EIF2AK3: variants seen among roughly 807,000 people sequenced by gnomAD.
EIF2AK3 encodes the protein eukaryotic translation initiation factor 2 alpha kinase 3, also known as eukaryotic translation initiation factor 2-alpha kinase 3.
A neutral mutation model predicts 113.5 loss-of-function variants in EIF2AK3; 50 were observed. The observed-to-expected ratio is 0.44, with a 90% CI of 0.35 to 0.56. The LOEUF is 0.56. Among genes scored for constraint, EIF2AK3 ranks in the 20% least tolerant of loss-of-function variants. The probability of loss-of-function intolerance (pLI) is 0.00; values close to 1 mark genes in which losing one functional copy is unlikely to be tolerated. For missense variants in EIF2AK3, 1,185 were observed against 1,378.0 expected (o/e 0.86, Z 2.22); for synonymous variants, 448 against 495.4 (o/e 0.90, Z 1.27).
intron 16 of EIF2AK3, among the ~76,000 whole-genome samples, chr2:88,558,441 C>A (rs893068319): frequency 6.6e-6 from 1 of 152,170 alleles, no homozygotes; most frequent in Non-Finnish European, 1.5e-5. Context: ...TTGAACGTAA[C>A]ATGTACTCTT....
intron 5 of EIF2AK3, 29 bp from the exon 6 acceptor site, chr2:88,590,634 A>G (rs1674863213): frequency 6.2e-7 from 1 of 1,609,284 alleles, no homozygotes; most frequent in Non-Finnish European, 8.5e-7. Flanking sequence ...AAGGTCTTAA[A>G]TAATTCAAGC....
chr2:88,620,582 TC>T (rs1222882413), intron 1 of EIF2AK3, among the ~76,000 whole-genome samples: 1 of 152,256 alleles, frequency 6.6e-6, no homozygotes, highest in East Asian at 1.9e-4. Flanking sequence ...GTCTCATGGA[TC>T]CCCATTTTTA....
chr2:88,598,459 G>A (rs568463784), intron 2 of EIF2AK3, among the ~76,000 whole-genome samples: 9 of 152,152 alleles, frequency 5.9e-5, no homozygotes, highest in African/African-American at 2.2e-4. Context: ...GATGCCCTGA[G>A]AGAGACTGCA....
intron 14 of EIF2AK3, among the ~76,000 whole-genome samples, chr2:88,565,726 T>C (rs1674098774): frequency 6.6e-6 from 1 of 152,200 alleles, no homozygotes; most frequent in Admixed American, 6.5e-5. Flanking sequence ...TCATTTGAAG[T>C]CCCACTACTC....
intron 2 of EIF2AK3, among the ~76,000 whole-genome samples, chr2:88,603,075 T>C (rs545995108): frequency 2.6e-5 from 4 of 152,322 alleles, no homozygotes; most frequent in South Asian, 4.1e-4. Flanking sequence ...CTAGTTGTTT[T>C]GCAAACCAAG....
At position 88,557,062 on chromosome 2, in the gene EIF2AK3, C is replaced by T. The variant is rs1037760017; in HGVS notation, c.*674G>A. 4 of 152,466 alleles carry T rather than the reference C, an allele frequency of 2.6e-5. No individual in the cohort carries two copies. The highest frequency in any genetic ancestry group is 1.3e-4 in the Admixed American group (2 of 15,268). The allele number at this position is 152,466 out of a possible 1,614,324, so 9.4% of individuals were successfully genotyped here. A position where few individuals can be genotyped will look rare whatever the true frequency, so the allele number is the denominator to read the frequency against. On this transcript the variant is annotated 3_prime_UTR_variant, in exon 17 of 17. Coordinates refer to ENST00000303236, the MANE Select transcript of EIF2AK3 (RefSeq NM_004836.7). The stretch of plus-strand genomic sequence containing the variant: ...TCCATTTCTTACTACGGCTTTTTTC[C>T]TCCCAAAACTAGACCTTTCAACCAA...
chr2:88,627,023 C>T lies in EIF2AK3; in HGVS notation c.252G>A (p.Glu84=), dbSNP rs761485223. Reference sequence around the variant, plus strand: ...CTGGTTCCGGACCCCGAGGCTCCTGCTCTCCCGCGGCTGCCGGCAGCGCCT... The same window carrying T: ...CTGGTTCCGGACCCCGAGGCTCCTGTTCTCCCGCGGCTGCCGGCAGCGCCT... The part of the protein sequence containing the change: ...DAEALPAAAG[E]QEPRGPEPDD... Residue 84 remains glutamate (E), a synonymous_variant, in exon 1 of 17, where the codon GAG becomes GAA. Transcript: ENST00000303236. 6 of 1,605,438 alleles carry T rather than the reference C, an allele frequency of 3.7e-6. No individual in the cohort carries two copies. The African/African-American group carries it at 8.0e-5, about 22-fold the overall frequency.
At chr2:88,559,836 A>G (rs917587947) in intron 15 of EIF2AK3, among the ~76,000 whole-genome samples, 5 of 152,008 alleles carry the variant, frequency 3.3e-5, no homozygotes, top group African/African-American at 1.2e-4. Context: ...AAAATACCAC[A>G]CTTTGTTTTT....
At position 88,576,529 on chromosome 2, in the gene EIF2AK3, G is replaced by C. The variant is rs1674462121; in HGVS notation, c.2036+25C>G. On this transcript the variant is annotated intron_variant, in intron 12 of 16. Coordinates refer to ENST00000303236, the MANE Select transcript of EIF2AK3 (RefSeq NM_004836.7). ...TCACACAAGCAAAAAACTAGCTTAA[G>C]TGTATGTGTAACAAAGTTAGTTACC... The C allele has an allele frequency of 3.7e-6, 6 of 1,613,446 alleles. No homozygotes were observed. The South Asian group carries it at 5.5e-5, about 15-fold the overall frequency.
At chr2:88,586,673 C>T (rs1411414215) in intron 8 of EIF2AK3, among the ~76,000 whole-genome samples, 13 of 149,434 alleles carry the variant, frequency 8.7e-5, no homozygotes, top group African/African-American at 3.0e-4. Flanking sequence ...CTCACTGCAA[C>T]CTCTGTCTCC....
In EIF2AK3 at chr2:88,588,833, T is replaced by G. The variant is rs1674806444; in HGVS notation, c.1234A>C (p.Lys412Gln). The change falls in exon 7 of 17, where the codon AAG becomes CAG. Residue 412 changes from lysine (K) to glutamine (Q), a missense_variant. Transcript: ENST00000303236. The stretch of plus-strand genomic sequence containing the variant: ...TCATTAGTGACAGATTCCAAAGCCT[T>G]GGGACTTGAAGGAAACTTTTCTGAA... ...RISEKFPSSPKALESVTNENA... is the reference protein window; with the variant it reads ...RISEKFPSSPQALESVTNENA... 1 of 1,613,870 alleles carries G rather than the reference T, an allele frequency of 6.2e-7. No homozygotes were observed.
intron 1 of EIF2AK3, among the ~76,000 whole-genome samples, chr2:88,623,027 G>T (rs1675770269): frequency 6.6e-6 from 1 of 152,214 alleles, no homozygotes; most frequent in Non-Finnish European, 1.5e-5. Context: ...TTTTGTTAGA[G>T]AGGAATTAGA....
intron 1 of EIF2AK3, among the ~76,000 whole-genome samples, chr2:88,618,395 G>T (rs1468385157): frequency 6.6e-6 from 1 of 152,142 alleles, no homozygotes; most frequent in East Asian, 1.9e-4. Context: ...GTCAGACCTG[G>T]GTGTACATCC....
At chr2:88,596,515 T>C (rs1157860498) in intron 2 of EIF2AK3, among the ~76,000 whole-genome samples, 1 of 152,028 alleles carries the variant, frequency 6.6e-6, no homozygotes, top group East Asian at 1.9e-4. Context: ...TAAATACGCA[T>C]GGGGTGGAGA....
At chr2:88,601,925 C>A (rs780580883) in intron 2 of EIF2AK3, among the ~76,000 whole-genome samples, 2 of 142,348 alleles carry the variant, frequency 1.4e-5, no homozygotes, top group African/African-American at 2.6e-5. Flanking sequence ...AATCTCGGCT[C>A]ACTGCAACCT....
In EIF2AK3 at chr2:88,590,826, C is replaced by T. The variant is rs121908570; in HGVS notation, c.994G>A (p.Glu332Lys). ...TCAGTGGTGTTAGGTACCTGGTACT[C>T]CCATTCCAGATGTCCTCCCTTCTTA... ...FSKKGGHLEW[E>K]YQFCTPIASA... is the part of the protein sequence containing the mutation. Residue 332 changes from glutamate (E) to lysine (K), a missense_variant, in exon 5 of 17, where the codon GAG (glutamate) becomes AAG (lysine). By Grantham distance (56) the Glu-to-Lys change is moderately conservative. Coordinates refer to ENST00000303236, the MANE Select transcript of EIF2AK3 (RefSeq NM_004836.7). 1 of 1,613,972 alleles carries T rather than the reference C, an allele frequency of 6.2e-7. No individual in the cohort carries two copies. The highest frequency in any genetic ancestry group is 1.1e-5 in the South Asian group (1 of 91,076).
At chr2:88,563,725 A>G (rs1025072332) in intron 14 of EIF2AK3, among the ~76,000 whole-genome samples, 2 of 152,208 alleles carry the variant, frequency 1.3e-5, no homozygotes, top group African/African-American at 2.4e-5. Flanking sequence ...GTTGAATACT[A>G]TGCAGCTGGA....
intron 15 of EIF2AK3, among the ~76,000 whole-genome samples, chr2:88,561,775 C>CT (rs1168404416): frequency 6.6e-6 from 1 of 152,070 alleles, no homozygotes; most frequent in Non-Finnish European, 1.5e-5. Context: ...GGGAGGATGG[C>CT]TTGAGCCCAG....
chr2:88,605,610 A>G (rs1675250811), intron 2 of EIF2AK3, among the ~76,000 whole-genome samples: 1 of 152,258 alleles, frequency 6.6e-6, no homozygotes, highest in Admixed American at 6.5e-5. Context: ...TAATCAATAA[A>G]GACAATCAGT....
Sources: gnomAD v4.1 joint callset for allele counts (sites outside exome capture counted in the v4.1 genomes callset) on GRCh38, gnomAD v4.1.1 for gene constraint, MANE v1.5 for transcripts, NCBI Gene and HGNC (gene_info 2026-07-23, HGNC 2026-07-21) for gene names.